The following DISC1 variants were observed in gnomAD, a reference collection of about 807,000 sequenced individuals.
DISC1 encodes disrupted in schizophrenia 1 protein.
A neutral mutation model predicts 84.5 loss-of-function variants in DISC1; 57 were observed. That is an observed-to-expected ratio of 0.67 (90% confidence interval 0.55 to 0.84). The LOEUF is 0.84. Ranked by LOEUF, DISC1 falls within the 40% of genes least tolerant of loss-of-function variation. The pLI, the probability that DISC1 is intolerant of heterozygous loss-of-function variation, is 0.00. For missense variants in DISC1, 1,000 were observed against 1,057.8 expected (o/e 0.95, Z 0.76); for synonymous variants, 411 against 415.2 (o/e 0.99, Z 0.12).
At chr1:231,745,032 AAT>A (rs10610805) in intron 3 of DISC1, among the ~76,000 whole-genome samples, 99,235 of 150,402 alleles carry the variant, frequency 0.66, 34,591 homozygotes, top group Non-Finnish European at 0.78. Context: ...AGCATTATGC[AAT>A]ATGTAATTAA....
At chr1:231,856,291 G>A (rs912003) in intron 9 of DISC1, among the ~76,000 whole-genome samples, 151,284 of 152,164 alleles carry the variant, frequency 0.99, 75,209 homozygotes, top group East Asian at 1. Flanking sequence ...GAAGGTGGCA[G>A]GTCCAGGAGC....
chr1:231,811,709 C>T (rs1015829178), intron 8 of DISC1, among the ~76,000 whole-genome samples: 3 of 152,150 alleles, frequency 2.0e-5, no homozygotes, highest in Non-Finnish European at 4.4e-5. Context: ...AGGATTCATC[C>T]CCCTCACCAT....
intron 1 of DISC1, among the ~76,000 whole-genome samples, chr1:231,648,413 T>A (rs2060319350): frequency 6.6e-6 from 1 of 152,246 alleles, no homozygotes; most frequent in Non-Finnish European, 1.5e-5. Context: ...GAAGCTGACC[T>A]GATCATGGTG....
chr1:231,866,799 G>C, intron 9 of DISC1: 1 of 1,076,618 alleles, frequency 9.3e-7, no homozygotes, highest in African/African-American at 1.6e-5. Flanking sequence ...TGTAATTAAA[G>C]TCATGATAGT....
At chr1:231,771,198 A>G in intron 6 of DISC1, 128 bp downstream of exon 6, 2 of 1,454,124 alleles carry the variant, frequency 1.4e-6, no homozygotes, top group Non-Finnish European at 1.8e-6. Flanking sequence ...TGGAAGCACC[A>G]TTGGTGTTTT....
chr1:231,663,121 G>A (rs1247054723), intron 1 of DISC1, among the ~76,000 whole-genome samples: 6 of 152,150 alleles, frequency 3.9e-5, no homozygotes, highest in Non-Finnish European at 7.3e-5. Context: ...GGTTGAAAGT[G>A]AAAGCATAGA....
chr1:231,716,713 G>A (rs556968872), intron 3 of DISC1, among the ~76,000 whole-genome samples: 1 of 152,246 alleles, frequency 6.6e-6, no homozygotes, highest in Admixed American at 6.5e-5. Flanking sequence ...CTACTGTTTT[G>A]TGGCCTTCAC....
At position 231,693,887 on chromosome 1, in the gene DISC1, G is replaced by A. The variant is rs1241496612; in HGVS notation, c.129G>A (p.Pro43=). 1.4e-5 allele frequency: 22 copies of A among 1,613,982 alleles called. No homozygotes were observed. Among genetic ancestry groups the A allele is most frequent in the East Asian group, 1.3e-4 (6 of 44,890 alleles). Residue 43 remains proline, a synonymous_variant, in exon 2 of 13, where the codon CCG becomes CCA. Transcript: ENST00000439617. ...CFRRRRLARR[P]GYMRSSTGPG... The stretch of plus-strand genomic sequence containing the variant: ...GGAGGCGGCGGCTGGCACGGAGGCC[G>A]GGCTACATGAGAAGCTCGACAGGGC...
chr1:231,696,438 T>C (rs919102627), intron 2 of DISC1, among the ~76,000 whole-genome samples: 1 of 152,238 alleles, frequency 6.6e-6, no homozygotes, highest in African/African-American at 2.4e-5. Context: ...AGCTCTCCCT[T>C]CTGTCCATAG....
intron 3 of DISC1, among the ~76,000 whole-genome samples, chr1:231,707,453 G>A (rs1186839441): frequency 6.6e-6 from 1 of 151,946 alleles, no homozygotes; most frequent in African/African-American, 2.4e-5. Flanking sequence ...ACCTTGTCCT[G>A]GTATACTAAC....
chr1:231,784,262 CAA>C (rs71648875), intron 6 of DISC1, among the ~76,000 whole-genome samples: 1,067 of 106,104 alleles, frequency 0.01, 7 homozygotes, highest in African/African-American at 0.032. Flanking sequence ...GACTCCGTCT[CAA>C]AAAAAAAAAA....
Position 231,952,536 on chromosome 1 carries a change from A to C in DISC1, c.1982-6292A>C, listed in dbSNP as rs915812623. Among the ~76,000 whole-genome samples, 45 of 152,228 alleles carry C rather than the reference A, an allele frequency of 3.0e-4. 1 individual carries two copies. The highest frequency in any genetic ancestry group is 1.0e-3 in the African/African-American group (43 of 41,558). Reference sequence around the variant, plus strand: ...ATGCTGCAAATAAATAAATTTATACATGCAAATCAAAATCTTTTAGTAAAA... The same window carrying C: ...ATGCTGCAAATAAATAAATTTATACCTGCAAATCAAAATCTTTTAGTAAAA... On this transcript the variant is annotated intron_variant, in intron 9 of 12. Coordinates refer to ENST00000439617, the MANE Select transcript of DISC1 (RefSeq NM_018662.3).
intron 1 of DISC1, among the ~76,000 whole-genome samples, chr1:231,637,787 T>C (rs1466217724): frequency 6.6e-6 from 1 of 152,242 alleles, no homozygotes; most frequent in African/African-American, 2.4e-5. Flanking sequence ...GTTGTGAATA[T>C]TGCTGTGATA....
chr1:231,777,563 A>G (rs2077047674), intron 6 of DISC1, among the ~76,000 whole-genome samples: 2 of 152,244 alleles, frequency 1.3e-5, no homozygotes, highest in Middle Eastern at 3.4e-3. Flanking sequence ...TCAGGAATTC[A>G]TGAGGCAGAA....
At chr1:231,652,746 T>C (rs2060739731) in intron 1 of DISC1, among the ~76,000 whole-genome samples, 1 of 152,240 alleles carries the variant, frequency 6.6e-6, no homozygotes, top group South Asian at 2.1e-4. Context: ...AGATATGTTT[T>C]CATGTCAACC....
chr1:231,831,265 G>T (rs962104878), intron 9 of DISC1, among the ~76,000 whole-genome samples: 2 of 152,228 alleles, frequency 1.3e-5, no homozygotes, highest in African/African-American at 4.8e-5. Flanking sequence ...ACACTGAGAA[G>T]TGATTTCCTG....
intron 12 of DISC1, among the ~76,000 whole-genome samples, chr1:232,028,677 T>C (rs1669711052): frequency 6.6e-6 from 1 of 152,124 alleles, no homozygotes; most frequent in Admixed American, 6.5e-5. Flanking sequence ...TAGCCATGGG[T>C]AAGTGCATGA....
intron 9 of DISC1, among the ~76,000 whole-genome samples, chr1:231,839,033 C>T (rs528452192): frequency 6.6e-6 from 1 of 152,242 alleles, no homozygotes; most frequent in East Asian, 1.9e-4. Flanking sequence ...AAGCAATAAA[C>T]AATAGGTATC....
intron 11 of DISC1, among the ~76,000 whole-genome samples, chr1:232,025,657 T>C (rs529565366): frequency 1.7e-3 from 232 of 135,674 alleles, no homozygotes; most frequent in African/African-American, 5.5e-3. Context: ...AGTGCAGTGG[T>C]GCAATCTCGG....
Sources: allele counts gnomAD v4.1 joint callset (sites outside exome capture counted in the v4.1 genomes callset), GRCh38; gene constraint gnomAD v4.1.1; transcripts MANE v1.5; gene names NCBI Gene and HGNC (gene_info 2026-07-23, HGNC 2026-07-21).